The following GSDMC variants were observed in gnomAD, a reference collection of about 807,000 sequenced individuals.
GSDMC encodes gasdermin C, also known as gasdermin-C.
GSDMC carries 59 observed loss-of-function variants against 58.0 expected under a neutral mutation model. The ratio of observed to expected loss-of-function variants is 1.02; its 90% CI spans 0.82 to 1.26. The LOEUF is 1.26. Among genes scored for constraint, GSDMC ranks in the 50% most tolerant of loss-of-function variants. The probability of loss-of-function intolerance (pLI) is 0.00; values close to 1 mark genes in which losing one functional copy is unlikely to be tolerated. For synonymous variants in GSDMC, 241 were observed against 220.2 expected (o/e 1.09, Z -0.83); for missense variants, 659 against 598.5 (o/e 1.10, Z -1.06).
chr8:129,764,675 T>G (rs1586597393), intron 4 of GSDMC, among the ~76,000 whole-genome samples: 1 of 152,322 alleles, frequency 6.6e-6, no homozygotes, highest in Admixed American at 6.5e-5. Flanking sequence ...TTCTCTGAAG[T>G]GATTATTACA....
chr8:129,725,386 G>A, the GSDMC span, among the ~76,000 whole-genome samples: 2 of 152,154 alleles, frequency 1.3e-5, no homozygotes, highest in African/African-American at 4.8e-5. Flanking sequence ...TCAATTTCCA[G>A]AGTTGATATT....
chr8:129,745,338 C>T (rs4509279), downstream of GSDMC, among the ~76,000 whole-genome samples: 49,315 of 151,946 alleles, frequency 0.32, 11,589 homozygotes, highest in African/African-American at 0.65. Flanking sequence ...ATGTTCTCTC[C>T]TCTTCACTCA....
intron 6 of GSDMC, among the ~76,000 whole-genome samples, chr8:129,759,114 G>C (rs1269045305): frequency 6.6e-6 from 1 of 152,106 alleles, no homozygotes; most frequent in African/African-American, 2.4e-5. Flanking sequence ...AATGGAGAAA[G>C]GACAGTCTCT....
chr8:129,776,773 G>A (rs897250606), intron 2 of GSDMC, among the ~76,000 whole-genome samples: 4 of 151,846 alleles, frequency 2.6e-5, no homozygotes, highest in African/African-American at 9.7e-5. Context: ...TGTTGTTGTT[G>A]TTGTTTTGAG....
At position 129,749,444 on chromosome 8, in the gene GSDMC, G is replaced by C. The variant is rs181678317; in HGVS notation, c.1287+8C>G. On this transcript the variant is annotated splice_region_variant and intron_variant, in intron 13 of 13. Coordinates refer to ENST00000276708, the MANE Select transcript of GSDMC (RefSeq NM_031415.3). ...TCCCTGAACTTCTGGCCCCTGGGAA[G>C]TTCTCACCAGCTCCTGTTGCTGAAG... is the stretch of plus-strand genomic sequence containing the variant. 1,994 of 1,603,998 alleles carry C rather than the reference G, an allele frequency of 1.2e-3. 4 individuals carry two copies. The highest frequency in any genetic ancestry group is 1.6e-3 in the Non-Finnish European group (1,851 of 1,170,828).
At chr8:129,759,692 A>C (rs1456161336) in intron 6 of GSDMC, among the ~76,000 whole-genome samples, 1 of 152,168 alleles carries the variant, frequency 6.6e-6, no homozygotes, top group Non-Finnish European at 1.5e-5. Context: ...AAAATGGCTT[A>C]TATCCAAGAC....
At chr8:129,750,896 G>A (rs987050397) in intron 10 of GSDMC, among the ~76,000 whole-genome samples, 4 of 152,186 alleles carry the variant, frequency 2.6e-5, no homozygotes, top group Admixed American at 1.3e-4. Context: ...GTAAAATCTA[G>A]CATTGGGCCT....
intron 6 of GSDMC, among the ~76,000 whole-genome samples, chr8:129,753,982 G>C (rs2033329467): frequency 6.6e-6 from 1 of 152,212 alleles, no homozygotes; most frequent in African/African-American, 2.4e-5. Flanking sequence ...AGCAGCAGTA[G>C]AGCAGAACAT....
chr8:129,719,212 A>G, the GSDMC span, among the ~76,000 whole-genome samples: 1 of 152,174 alleles, frequency 6.6e-6, no homozygotes, highest in African/African-American at 2.4e-5. Flanking sequence ...AAAAAGAAAG[A>G]TGCATTTGGC....
At chr8:129,715,069 T>C in the GSDMC span, among the ~76,000 whole-genome samples, 20 of 152,282 alleles carry the variant, frequency 1.3e-4, no homozygotes, top group Admixed American at 5.9e-4. Context: ...CTAAATAGAA[T>C]GTGAACATTT....
chr8:129,756,061 A>G (rs2033417894), intron 6 of GSDMC, among the ~76,000 whole-genome samples: 1 of 151,940 alleles, frequency 6.6e-6, no homozygotes, highest in Non-Finnish European at 1.5e-5. Context: ...GAGTGGCTGA[A>G]AGGATTAAAA....
At chr8:129,733,357 C>T in the GSDMC span, among the ~76,000 whole-genome samples, 3 of 152,242 alleles carry the variant, frequency 2.0e-5, no homozygotes. Context: ...AAGACTGCCT[C>T]CTCGAGTGGG....
chr8:129,710,118 C>A, the GSDMC span, among the ~76,000 whole-genome samples: 3 of 152,126 alleles, frequency 2.0e-5, no homozygotes, highest in South Asian at 2.1e-4. Flanking sequence ...TCTTCATGCA[C>A]GTATTTTTTT....
the GSDMC span, among the ~76,000 whole-genome samples, chr8:129,724,171 A>G: frequency 6.6e-6 from 1 of 152,282 alleles, no homozygotes; most frequent in East Asian, 1.9e-4. Flanking sequence ...CAGCCATGCA[A>G]GACAGCCATC....
At chr8:129,721,417 T>G in the GSDMC span, among the ~76,000 whole-genome samples, 3 of 152,214 alleles carry the variant, frequency 2.0e-5, no homozygotes, top group Non-Finnish European at 4.4e-5. Context: ...CAAATCCTAC[T>G]GCCTTACTCT....
chr8:129,761,910 G>A (rs1026469970), intron 5 of GSDMC, among the ~76,000 whole-genome samples: 7 of 152,200 alleles, frequency 4.6e-5, no homozygotes, highest in African/African-American at 1.7e-4. Flanking sequence ...ACTATAGGCA[G>A]TAGAGTGTGA....
At chr8:129,724,882 G>A in the GSDMC span, among the ~76,000 whole-genome samples, 1 of 152,136 alleles carries the variant, frequency 6.6e-6, no homozygotes, top group African/African-American at 2.4e-5. Context: ...ATAGTTTGAG[G>A]AGCCCAGCTT....
chr8:129,735,077 A>C, the GSDMC span, among the ~76,000 whole-genome samples: 1 of 152,246 alleles, frequency 6.6e-6, no homozygotes, highest in African/African-American at 2.4e-5. Context: ...ACATAACAGT[A>C]AAGGGATCAA....
Position 129,748,336 on chromosome 8 carries a change from A to G in GSDMC, c.*165T>C. Reference sequence around the variant, plus strand: ...ATAAACTCTTGTCAATATATAGAGTATTCCACCACCCCAAAACATTTCCTA... The same window carrying G: ...ATAAACTCTTGTCAATATATAGAGTGTTCCACCACCCCAAAACATTTCCTA... On this transcript the variant is annotated 3_prime_UTR_variant, in exon 14 of 14. Transcript: ENST00000276708. 1 of 587,912 alleles carries G rather than the reference A, an allele frequency of 1.7e-6. No homozygotes were observed. The highest frequency in any genetic ancestry group is 2.9e-6 in the Non-Finnish European group (1 of 349,576). 36.4% of individuals were successfully genotyped at this position (587,912 alleles called of 1,614,324 possible).
Sources: allele counts gnomAD v4.1 joint callset (sites outside exome capture counted in the v4.1 genomes callset), GRCh38; gene constraint gnomAD v4.1.1; transcripts MANE v1.5; gene names NCBI Gene and HGNC (gene_info 2026-07-23, HGNC 2026-07-21).